GUCY1B1: variants seen among roughly 807,000 people sequenced by gnomAD.
The protein encoded by GUCY1B1 is guanylate cyclase soluble subunit beta-1.
In GUCY1B1, 43 loss-of-function variants were observed where a neutral mutation model predicts 71.0. That is an observed-to-expected ratio of 0.61 (90% CI 0.47 to 0.78). The LOEUF (loss-of-function observed/expected upper bound fraction) is 0.78, where lower values mean the gene tolerates loss of function less well. GUCY1B1 is among the 30% of genes least tolerant of loss of function. The probability of loss-of-function intolerance (pLI) is 0.00; values close to 1 mark genes in which losing one functional copy is unlikely to be tolerated. For missense variants in GUCY1B1, 535 were observed against 754.1 expected (o/e 0.71, Z 3.40); for synonymous variants, 266 against 259.7 (o/e 1.02, Z -0.23).
intron 4 of GUCY1B1, 81 bp downstream of exon 4, chr4:155,777,723 C>A: frequency 1.3e-6 from 1 of 744,126 alleles, no homozygotes; most frequent in Non-Finnish European, 2.4e-6. Flanking sequence ...TTTGTTCACT[C>A]AGCTGTACAA....
chr4:155,769,482 T>C (rs1231222140), intron 2 of GUCY1B1, among the ~76,000 whole-genome samples: 1 of 152,076 alleles, frequency 6.6e-6, no homozygotes, highest in African/African-American at 2.4e-5. Context: ...AGCAGAGTCA[T>C]TGGGTATGTA....
rs1739053891 is a variant in GUCY1B1 at position 155,790,041 on chromosome 4, T to G, written c.495+130T>G. On this transcript the variant is annotated intron_variant, in intron 5 of 13. Transcript: ENST00000264424. ...TGGAAGTATATATAAGCCAAAACAG[T>G]GGAAAGACCAGCAATCTTCTATATT... The G allele has an allele frequency of 4.7e-5, 29 of 613,706 alleles. No homozygotes were observed. The South Asian group carries it at 7.0e-4, about 15-fold the overall frequency. The allele number at this position is 613,706 out of a possible 1,614,324, so 38.0% of individuals were successfully genotyped here. A position where few individuals can be genotyped will look rare whatever the true frequency, so the allele number is the denominator to read the frequency against.
Position 155,805,077 on chromosome 4 carries a change from T to C in GUCY1B1, c.1710-26T>C. On this transcript the variant is annotated intron_variant, in intron 12 of 13. Transcript: ENST00000264424. ...TATAAAACTTGTGTATACTTCTCTC[T>C]CTACTCCCCTTCCCTTGTCTTTTAG... The C allele has an allele frequency of 2.5e-6, 4 of 1,601,672 alleles. No homozygotes were observed. In the South Asian group the frequency reaches 3.3e-5, roughly 13 times the overall value.
chr4:155,802,697 G>A lies in GUCY1B1; in HGVS notation c.1413+118G>A. The A allele has an allele frequency of 1.3e-6, 1 of 770,716 alleles. No homozygotes were observed. Among genetic ancestry groups the A allele is most frequent in the South Asian group, 1.9e-5 (1 of 52,508 alleles). 47.7% of individuals were successfully genotyped at this position (770,716 alleles called of 1,614,324 possible). ...CCAGCACTGCAGCCTTGAGTACAGT[G>A]AGCCTCCATGTATTCACTCTTTACC... On this transcript the variant is annotated intron_variant, in intron 10 of 13. Transcript: ENST00000264424. This position sits in a 1 kb window ranked among gnomAD's most constrained non-coding sequence, Gnocchi z 4.3.
chr4:155,792,160 ATTAAGT>A (rs1470545138), intron 5 of GUCY1B1, among the ~76,000 whole-genome samples: 2 of 152,176 alleles, frequency 1.3e-5, no homozygotes, highest in East Asian at 1.9e-4. Flanking sequence ...GGATTCTCAC[ATTAAGT>A]TTATCAGGTC....
chr4:155,770,833 G>A (rs1737648389), intron 2 of GUCY1B1, among the ~76,000 whole-genome samples: 1 of 152,122 alleles, frequency 6.6e-6, no homozygotes, highest in Non-Finnish European at 1.5e-5. Context: ...TATGTATACT[G>A]CATCCAGCCC....
intron 5 of GUCY1B1, among the ~76,000 whole-genome samples, chr4:155,793,360 A>T (rs796969110): frequency 4.3e-4 from 66 of 152,320 alleles, no homozygotes; most frequent in African/African-American, 1.5e-3. Flanking sequence ...TACAGGCGTG[A>T]GCCACTGCAC....
intron 5 of GUCY1B1, among the ~76,000 whole-genome samples, chr4:155,790,380 T>G (rs1171637800): frequency 2.0e-5 from 3 of 152,258 alleles, no homozygotes; most frequent in Non-Finnish European, 4.4e-5. Context: ...TGTTTGTTTT[T>G]GTTTTTGTTT....
intron 2 of GUCY1B1, chr4:155,772,842 AG>A (rs1258212560): frequency 8.6e-6 from 6 of 698,540 alleles, no homozygotes; most frequent in Admixed American, 4.1e-5. Context: ...TTAAAAAAAA[AG>A]TTATGAATAA....
Position 155,759,808 on chromosome 4 carries a change from C to T in GUCY1B1, c.25C>T (p.Leu9=). 1.2e-6 allele frequency: 2 copies of T among 1,613,026 alleles called. No homozygotes were observed. The highest frequency in any genetic ancestry group is 1.7e-6 in the Non-Finnish European group (2 of 1,179,314). Residue 9 remains leucine (L), a synonymous_variant, in exon 2 of 14, where the codon CTG becomes TTG. Coordinates refer to ENST00000264424, the MANE Select transcript of GUCY1B1 (RefSeq NM_000857.5). ...GCAGTACGGATTTGTGAATCACGCC[C>T]TGGAGTTGCTGGTGATCCGCAATTA... MYGFVNHA[L]ELLVIRNYGP... is the part of the protein sequence containing the mutation.
At chr4:155,804,779 T>C in intron 12 of GUCY1B1, 32 bp downstream of exon 12, 1 of 1,579,736 alleles carries the variant, frequency 6.3e-7, no homozygotes, top group Non-Finnish European at 8.7e-7. Flanking sequence ...TTTACTGATT[T>C]GCAAAGAAAA....
At chr4:155,779,094 C>T (rs1738247179) in intron 4 of GUCY1B1, among the ~76,000 whole-genome samples, 1 of 151,938 alleles carries the variant, frequency 6.6e-6, no homozygotes, top group Admixed American at 6.6e-5. Flanking sequence ...TCCAATAGGA[C>T]AGCCACTAGT....
intron 8 of GUCY1B1, among the ~76,000 whole-genome samples, chr4:155,797,566 C>A (rs1181304342): frequency 1.3e-5 from 2 of 151,634 alleles, no homozygotes; most frequent in African/African-American, 4.8e-5. Flanking sequence ...GGTGAAATCC[C>A]ATCTCTACTA....
chr4:155,806,300 C>T (rs1740308331), intron 13 of GUCY1B1, 86 bp from the exon 14 acceptor site: 1 of 850,614 alleles, frequency 1.2e-6, no homozygotes, highest in East Asian at 2.6e-5. Flanking sequence ...GGATCACACT[C>T]TCATAAAGAG....
chr4:155,775,713 T>C (rs975527262), intron 3 of GUCY1B1, among the ~76,000 whole-genome samples: 6 of 152,232 alleles, frequency 3.9e-5, no homozygotes, highest in African/African-American at 1.4e-4. Context: ...AAGTATAATA[T>C]GTGTTTCTCC....
intron 5 of GUCY1B1, among the ~76,000 whole-genome samples, chr4:155,790,216 G>C (rs1210351626): frequency 6.6e-6 from 1 of 152,156 alleles, no homozygotes; most frequent in African/African-American, 2.4e-5. Flanking sequence ...TGTGACGACT[G>C]AGCTGTGGGT....
At chr4:155,760,135 G>A (rs1736885197) in intron 2 of GUCY1B1, among the ~76,000 whole-genome samples, 1 of 152,160 alleles carries the variant, frequency 6.6e-6, no homozygotes, top group Non-Finnish European at 1.5e-5. Flanking sequence ...CTGAGCGTGG[G>A]AACGCGCTGC....
chr4:155,767,184 G>T (rs1038415195), intron 2 of GUCY1B1, among the ~76,000 whole-genome samples: 1 of 152,250 alleles, frequency 6.6e-6, no homozygotes, highest in Non-Finnish European at 1.5e-5. Context: ...AACCAATTTA[G>T]CAAGGACATG....
rs138391385 is a variant in GUCY1B1, at chr4:155,791,042, T to C, written c.495+1131T>C. 2.1e-3 allele frequency among the ~76,000 whole-genome samples: 325 copies of C among 152,148 alleles called. 1 individual carries two copies. The highest frequency in any genetic ancestry group is 6.9e-3 in the South Asian group (33 of 4,816). The stretch of plus-strand genomic sequence containing the variant: ...GACATTTAAAAATTAAAGCCTTGGG[T>C]AAAGTATCACAATTCATCCATGATT... On this transcript the variant is annotated intron_variant, in intron 5 of 13. Coordinates refer to ENST00000264424, the MANE Select transcript of GUCY1B1 (RefSeq NM_000857.5).
Sources: allele counts gnomAD v4.1 joint callset (sites outside exome capture counted in the v4.1 genomes callset), GRCh38; gene constraint gnomAD v4.1.1; non-coding constraint Gnocchi (gnomAD v3.1); transcripts MANE v1.5; gene names NCBI Gene and HGNC (gene_info 2026-07-23, HGNC 2026-07-21).